The following PRICKLE3 variants were observed in gnomAD, a reference collection of about 807,000 sequenced individuals.
The protein encoded by PRICKLE3 is LIM domain only protein 6.
Under a neutral mutation model 33.8 loss-of-function variants are expected in PRICKLE3, and 17 were observed. That is an observed-to-expected ratio of 0.50 (90% CI 0.34 to 0.75). The LOEUF is 0.75. Among genes scored for constraint, PRICKLE3 ranks in the 30% least tolerant of loss-of-function variants. The pLI is 0.01. For synonymous variants in PRICKLE3, 211 were observed against 219.6 expected, an observed-to-expected ratio of 0.96 and a Z score of 0.34; for missense variants, 573 against 576.7, an observed-to-expected ratio of 0.99 and a Z score of 0.07.
At position 49,178,024 on chromosome X, in the gene PRICKLE3, C is replaced by T. The variant is rs782029904; in HGVS notation, c.924G>A (p.Ala308=). ...GCTCCCCACAGCCATCACAGTACTC[C>T]GCGTGGCGGGCCTCGTAGCAGGCGC... ...HCCACYEARH[A]EYCDGCGEHI... The change falls in exon 7 of 9, where the codon GCG becomes GCA. Residue 308 remains alanine, a synonymous_variant. Coordinates refer to ENST00000599218, the MANE Select transcript of PRICKLE3 (RefSeq NM_006150.5). 66 of 1,154,097 alleles carry T rather than the reference C, an allele frequency of 5.7e-5. No homozygotes were observed. In the East Asian group the frequency reaches 1.5e-3, roughly 27 times the overall value.
chrX:49,180,098 G>T (rs1165507257), intron 3 of PRICKLE3, among the ~76,000 whole-genome samples: 1 of 93,627 alleles, frequency 1.1e-5, no homozygotes, highest in East Asian at 3.7e-4. Context: ...GGAGTGGCGC[G>T]ATCTAGGCTC....
chrX:49,178,652 G>A (rs1423012073), intron 5 of PRICKLE3, among the ~76,000 whole-genome samples, 177 bp from the exon 6 acceptor site: 3 of 112,358 alleles, frequency 2.7e-5, no homozygotes, highest in East Asian at 2.8e-4. Context: ...GGGGTTGGGC[G>A]GTACCTTAGA....
In PRICKLE3 at chrX:49,175,722, C is replaced by G. The variant is rs781873238; in HGVS notation, c.1799G>C (p.Arg600Pro). 2 of 1,211,533 alleles carry G rather than the reference C, an allele frequency of 1.7e-6. No individual in the cohort carries two copies. Among genetic ancestry groups the G allele is most frequent in the Non-Finnish European group, 2.2e-6 (2 of 895,421 alleles). ...SPSLSLPRDS[R>P]AGMPRQARDK... Reference sequence around the variant, plus strand: ...TCGGGCCTGACGAGGCATCCCTGCGCGAGAGTCCCTGGGGAGCGATAAAGA... The same window carrying G: ...TCGGGCCTGACGAGGCATCCCTGCGGGAGAGTCCCTGGGGAGCGATAAAGA... The change falls in exon 9 of 9, where the codon CGC becomes CCC. Residue 600 changes from arginine (R) to proline (P), a missense_variant. Physicochemically the swap from Arg to Pro is moderately radical, Grantham distance 103 (BLOSUM62 -2). Coordinates refer to ENST00000599218, the MANE Select transcript of PRICKLE3 (RefSeq NM_006150.5).
Position 49,176,221 on chromosome X carries a change from G to A in PRICKLE3, c.1300C>T (p.His434Tyr), listed in dbSNP as rs1557100014. Residue 434 changes from histidine to tyrosine, a missense_variant, in exon 9 of 9, where the codon CAC becomes TAC. Coordinates refer to ENST00000599218, the MANE Select transcript of PRICKLE3 (RefSeq NM_006150.5). Reference sequence around the variant, plus strand: ...CCCAGTTCCGGCATGGAGTGGCGGTGGGGAGCCCCTCTCAGAAAGCGGGAG... The same window carrying A: ...CCCAGTTCCGGCATGGAGTGGCGGTAGGGAGCCCCTCTCAGAAAGCGGGAG... ...EPSRFLRGAP[H>Y]RHSMPELGLR... The A allele has an allele frequency of 1.7e-6, 2 of 1,156,019 alleles. No individual in the cohort carries two copies. Among genetic ancestry groups the A allele is most frequent in the South Asian group, 2.0e-5 (1 of 48,798 alleles).
At chrX:49,178,958 T>C (rs2065434198) in intron 5 of PRICKLE3, among the ~76,000 whole-genome samples, 1 of 112,135 alleles carries the variant, frequency 8.9e-6, no homozygotes, top group Admixed American at 9.4e-5. Context: ...CCATGCCCCA[T>C]GTCCACTGCA....
chrX:49,180,539 TG>T (rs1367315713), intron 3 of PRICKLE3, among the ~76,000 whole-genome samples: 6 of 111,236 alleles, frequency 5.4e-5, no homozygotes, highest in African/African-American at 2.0e-4. Context: ...TCATCAGACT[TG>T]ATGATGGTAG....
At position 49,179,324 on chromosome X, in the gene PRICKLE3, C is replaced by T. The variant is rs782064424; in HGVS notation, c.491G>A (p.Arg164Gln). The T allele has an allele frequency of 1.7e-6, 2 of 1,209,670 alleles. No homozygotes were observed. Among genetic ancestry groups the T allele is most frequent in the Non-Finnish European group, 2.2e-6 (2 of 894,987 alleles). ...GCCACGCCCCAGATTCTCCCGCTTC[C>T]GCTGCTGGCTAAAGGCTCGGAGCTC... The part of the protein sequence containing the change: ...KKELRAFSQQ[R>Q]KRENLGRGIV... Residue 164 changes from arginine (R) to glutamine (Q), a missense_variant, in exon 5 of 9, where the codon CGG becomes CAG. Transcript: ENST00000599218.
chrX:49,183,859 C>G lies in PRICKLE3; in HGVS notation c.187G>C (p.Val63Leu). The G allele has an allele frequency of 8.3e-7, 1 of 1,211,725 alleles. No individual in the cohort carries two copies. Among genetic ancestry groups the G allele is most frequent in the Non-Finnish European group, 1.1e-6 (1 of 895,426 alleles). Residue 63 changes from valine (V) to leucine (L), a missense_variant, in exon 3 of 9, where the codon GTG becomes CTG. By Grantham distance (32) the Val-to-Leu change is conservative (BLOSUM62 1). Coordinates refer to ENST00000599218, the MANE Select transcript of PRICKLE3 (RefSeq NM_006150.5). ...CGACACATGATGCGTTCCAGGTCCA[C>G]AGGCACCGCGTGCACTGCATGCTCC... ...REEHAVHAVPVDLERIMCRLI... is the reference protein window; with the variant it reads ...REEHAVHAVPLDLERIMCRLI...
chrX:49,182,596 G>T (rs782681107), intron 3 of PRICKLE3, among the ~76,000 whole-genome samples: 24 of 112,489 alleles, frequency 2.1e-4, no homozygotes, highest in African/African-American at 6.8e-4. Flanking sequence ...TTAGATGTCT[G>T]CATGGCTCAC....
chrX:49,185,783 C>A (rs183983412), intron 1 of PRICKLE3, among the ~76,000 whole-genome samples: 2,177 of 108,555 alleles, frequency 0.02, 60 homozygotes, highest in African/African-American at 0.07. Context: ...CGTCTGTAAT[C>A]CCAGGTACAT....
chrX:49,183,013 G>A (rs1431120693), intron 3 of PRICKLE3, among the ~76,000 whole-genome samples: 6 of 111,135 alleles, frequency 5.4e-5, no homozygotes, highest in African/African-American at 1.3e-4. Flanking sequence ...TAGTAGAGAC[G>A]GGGTTTTGCC....
At position 49,179,684 on chromosome X, in the gene PRICKLE3, TCTC is replaced by T. The variant is rs1557100706; in HGVS notation, c.426+6_426+8del. On this transcript the variant is annotated splice_donor_region_variant and intron_variant, in intron 4 of 8. Coordinates refer to ENST00000599218, the MANE Select transcript of PRICKLE3 (RefSeq NM_006150.5). Reference sequence around the variant, plus strand: ...CCTGGCATGCCCTTCCTGTCTTCTCTCTCCTCACCTCACTGTCGTGTGGGGGCA... The same window carrying T: ...CCTGGCATGCCCTTCCTGTCTTCTCTCTCACCTCACTGTCGTGTGGGGGCA... The T allele has an allele frequency of 8.7e-7, 1 of 1,147,389 alleles. No homozygotes were observed. The highest frequency in any genetic ancestry group is 2.4e-5 in the Admixed American group (1 of 40,894). The allele number at this position is 1,147,389 out of a possible 1,213,427, so 94.6% of individuals were successfully genotyped here. A position where few individuals can be genotyped will look rare whatever the true frequency, so the allele number is the denominator to read the frequency against.
At position 49,175,817 on chromosome X, in the gene PRICKLE3, G is replaced by T; in HGVS notation, c.1704C>A (p.Ile568=). ...GCCTGCACAAATGCGGGGGCAGAGGGATGCGCTCTCCTAGGAAGAAGCCAT... is the reference window on the plus strand; with the variant it reads ...GCCTGCACAAATGCGGGGGCAGAGGTATGCGCTCTCCTAGGAAGAAGCCAT... ...EDDGFFLGER[I]PLPPHLCRPM... is the part of the protein sequence containing the mutation. Residue 568 remains isoleucine, a synonymous_variant, in exon 9 of 9, where the codon ATC becomes ATA. Coordinates refer to ENST00000599218, the MANE Select transcript of PRICKLE3 (RefSeq NM_006150.5). 3.3e-6 allele frequency: 4 copies of T among 1,212,237 alleles called. No individual in the cohort carries two copies. The highest frequency in any genetic ancestry group is 4.5e-6 in the Non-Finnish European group (4 of 895,556).
chrX:49,186,191 C>T (rs1017644021), intron 1 of PRICKLE3, 65 bp downstream of exon 1: 27 of 1,091,762 alleles, frequency 2.5e-5, no homozygotes, highest in Non-Finnish European at 2.6e-5. Context: ...TATGCCTATC[C>T]ATTGCCCCCT....
chrX:49,184,395 G>T (rs1272528916), intron 2 of PRICKLE3, among the ~76,000 whole-genome samples: 1 of 109,587 alleles, frequency 9.1e-6, no homozygotes, highest in South Asian at 3.8e-4. Context: ...CCGCGGCTAC[G>T]GGAGAACACT....
At chrX:49,181,444 A>G (rs1446751761) in intron 3 of PRICKLE3, among the ~76,000 whole-genome samples, 1 of 94,260 alleles carries the variant, frequency 1.1e-5, no homozygotes, top group Middle Eastern at 4.9e-3. Context: ...ATTTACGTAA[A>G]TTATATACGT....
chrX:49,179,476 T>A, intron 4 of PRICKLE3, 88 bp from the exon 5 acceptor site: 1 of 1,113,325 alleles, frequency 9.0e-7, no homozygotes, highest in Non-Finnish European at 1.2e-6. Flanking sequence ...GAAAGTTTAC[T>A]TCTAGGTCTT....
At position 49,175,843 on chromosome X, in the gene PRICKLE3, C is replaced by A; in HGVS notation, c.1678G>T (p.Asp560Tyr). ...SSSSSESSED[D>Y]GFFLGERIPL... ...ATGCGCTCTCCTAGGAAGAAGCCAT[C>A]ATCCTCTGATGATTCGGAACTGGAA... Residue 560 changes from aspartate to tyrosine, a missense_variant, in exon 9 of 9, where the codon GAT (aspartate) becomes TAT (tyrosine). Physicochemically the swap from Asp to Tyr is radical, Grantham distance 160. Transcript: ENST00000599218. 3 of 1,212,367 alleles carry A rather than the reference C, an allele frequency of 2.5e-6. No homozygotes were observed. The highest frequency in any genetic ancestry group is 3.3e-6 in the Non-Finnish European group (3 of 895,637).
Position 49,186,319 on chromosome X carries a change from G to A in PRICKLE3, c.-22C>T. ...ACATGGCGCGCCCGGGCAGGGTCAA[G>A]CCGGGCCGGGTCAGGCGAATGTAAT... On this transcript the variant is annotated 5_prime_UTR_variant, in exon 1 of 9. Coordinates refer to ENST00000599218, the MANE Select transcript of PRICKLE3 (RefSeq NM_006150.5). 8.9e-7 allele frequency: 1 copy of A among 1,125,216 alleles called. No homozygotes were observed. Among genetic ancestry groups the A allele is most frequent in the Middle Eastern group, 2.6e-4 (1 of 3,790 alleles). The allele number at this position is 1,125,216 out of a possible 1,213,427, so 92.7% of individuals were successfully genotyped here.
Sources: allele counts gnomAD v4.1 joint callset (sites outside exome capture counted in the v4.1 genomes callset), GRCh38; gene constraint gnomAD v4.1.1; transcripts MANE v1.5; gene names NCBI Gene and HGNC (gene_info 2026-07-23, HGNC 2026-07-21).